RFWD3: variants seen among roughly 807,000 people sequenced by gnomAD.
RFWD3 encodes ring finger and WD repeat domain 3.
A neutral mutation model predicts 87.7 loss-of-function variants in RFWD3; 65 were observed. The ratio of observed to expected loss-of-function variants is 0.74; its 90% CI spans 0.61 to 0.91. RFWD3 has a LOEUF of 0.91. Among genes scored for constraint, RFWD3 ranks in the 40% least tolerant of loss-of-function variants. RFWD3 has a pLI of 0.00. For synonymous variants in RFWD3, 433 were observed against 352.8 expected (o/e 1.23, Z -2.55); for missense variants, 1,078 against 938.5 (o/e 1.15, Z -1.94).
intron 11 of RFWD3, among the ~76,000 whole-genome samples, chr16:74,627,749 C>T (rs1958977935): frequency 1.3e-5 from 2 of 152,210 alleles, no homozygotes; most frequent in East Asian, 3.9e-4. Context: ...TCTGCCAGGA[C>T]AGAGGAGTAT....
intron 4 of RFWD3, among the ~76,000 whole-genome samples, chr16:74,648,071 A>G (rs114769691): frequency 0.011 from 1,659 of 152,194 alleles, 23 homozygotes; most frequent in African/African-American, 0.038. Context: ...AGACTCCCTA[A>G]GTAGCTAGGA....
intron 2 of RFWD3, among the ~76,000 whole-genome samples, chr16:74,655,625 TCTC>T (rs200282348): frequency 6.7e-6 from 1 of 150,276 alleles, no homozygotes; most frequent in African/African-American, 2.4e-5. Flanking sequence ...CTGTGCTCTC[TCTC>T]TTTTTTTTTG....
chr16:74,646,186 A>G (rs1033967142), intron 4 of RFWD3, among the ~76,000 whole-genome samples: 1 of 151,452 alleles, frequency 6.6e-6, no homozygotes, highest in Non-Finnish European at 1.5e-5. Flanking sequence ...ACCAGACTGG[A>G]CAACATAGCA....
intron 1 of RFWD3, among the ~76,000 whole-genome samples, chr16:74,664,055 G>A (rs1169248190): frequency 6.6e-6 from 1 of 152,208 alleles, no homozygotes; most frequent in African/African-American, 2.4e-5. Context: ...ATGGAGAGTG[G>A]CACAGTACTG....
chr16:74,645,757 T>C (rs1345835222), intron 4 of RFWD3, among the ~76,000 whole-genome samples: 2 of 142,718 alleles, frequency 1.4e-5, no homozygotes, highest in African/African-American at 5.2e-5. Context: ...TTTTTTTTTT[T>C]TTTTTTTTTT....
intron 3 of RFWD3, among the ~76,000 whole-genome samples, chr16:74,651,212 C>G (rs1960535818): frequency 2.0e-5 from 3 of 152,184 alleles, no homozygotes; most frequent in Admixed American, 2.0e-4. Context: ...CTTTAGGGGT[C>G]TCTGCCTACG....
chr16:74,630,791 G>C lies in RFWD3; in HGVS notation c.1744C>G (p.Gln582Glu), dbSNP rs369195135. 13 of 1,598,776 alleles carry C rather than the reference G, an allele frequency of 8.1e-6. No homozygotes were observed. Among genetic ancestry groups the C allele is most frequent in the African/African-American group, 1.4e-5 (1 of 73,828 alleles). Residue 582 changes from glutamine (Q) to glutamate (E), a missense_variant, in exon 10 of 13, where the codon CAG becomes GAG. Gln to Glu is a conservative substitution (Grantham distance 29, BLOSUM62 2). Transcript: ENST00000361070. The stretch of plus-strand genomic sequence containing the variant: ...TGAGTGGCTCCCTACCTGGCTTTCT[G>C]AGCTACTAACTCCTGCACATGACTG... ...TSSHVQELVA[Q>E]KARCPLVSLS...
rs548123185 is a variant in RFWD3, at chr16:74,632,617, T to C, written c.1483A>G (p.Met495Val). The C allele has an allele frequency of 5.0e-5, 81 of 1,614,124 alleles. No homozygotes were observed. In the Admixed American group the frequency reaches 9.2e-4, roughly 18 times the overall value. ...ANMKSSQYIP[M>V]HGKQIRGLAF... ...AGTCCACGGATCTGTTTGCCATGCA[T>C]CGGAATGTACTGACTGCTCTTCATG... The change falls in exon 9 of 13, where the codon ATG becomes GTG. Residue 495 changes from methionine to valine, a missense_variant. Met to Val is a conservative substitution (Grantham distance 21). Transcript: ENST00000361070.
chr16:74,646,462 C>G (rs181176161), intron 4 of RFWD3, among the ~76,000 whole-genome samples: 1 of 152,240 alleles, frequency 6.6e-6, no homozygotes, highest in East Asian at 1.9e-4. Flanking sequence ...GCGTGTGCCA[C>G]CATACACCAA....
rs1184275689 is a variant in RFWD3, at chr16:74,644,837, C to T, written c.793-102G>A. The T allele has an allele frequency of 7.6e-6, 8 of 1,055,134 alleles. No homozygotes were observed. The South Asian group carries it at 9.6e-5, about 13-fold the overall frequency. 65.4% of individuals were successfully genotyped at this position (1,055,134 alleles called of 1,614,324 possible). A position where few individuals can be genotyped will look rare whatever the true frequency, so the allele number is the denominator to read the frequency against. On this transcript the variant is annotated intron_variant, in intron 4 of 12. Coordinates refer to ENST00000361070, the MANE Select transcript of RFWD3 (RefSeq NM_018124.4). ...TAACAGAAGTGCAAAAAAAATGATA[C>T]AATCAAAAGGGCTACAGAACACTTG...
chr16:74,652,240 G>T, intron 2 of RFWD3, 118 bp from the exon 3 acceptor site: 1 of 856,620 alleles, frequency 1.2e-6, no homozygotes. Context: ...ATTAAATGCT[G>T]CCTTTGAAAG....
intron 6 of RFWD3, 66 bp from the exon 7 acceptor site, chr16:74,638,036 G>A: frequency 9.8e-7 from 1 of 1,020,064 alleles, no homozygotes; most frequent in Non-Finnish European, 1.5e-6. Context: ...CATCCAGGTG[G>A]CAGAGTTAAG....
At chr16:74,634,818 G>T (rs553215256) in intron 8 of RFWD3, among the ~76,000 whole-genome samples, 6 of 152,076 alleles carry the variant, frequency 3.9e-5, no homozygotes, top group Non-Finnish European at 5.9e-5. Context: ...AAAAAAAAAG[G>T]GGGGAAGGGG....
chr16:74,623,557 T>C lies in RFWD3; in HGVS notation c.*371A>G. The C allele has an allele frequency of 5.3e-6, 1 of 187,840 alleles. No homozygotes were observed. The highest frequency in any genetic ancestry group is 1.1e-5 in the Non-Finnish European group (1 of 91,260). 11.6% of individuals were successfully genotyped at this position (187,840 alleles called of 1,614,324 possible). On this transcript the variant is annotated 3_prime_UTR_variant, in exon 13 of 13. Coordinates refer to ENST00000361070, the MANE Select transcript of RFWD3 (RefSeq NM_018124.4). ...AGGACAACTCAGATGGGATGTCATA[T>C]TCCCCAGAAAATGCTTGATGCCCAC...
chr16:74,666,375 G>A (rs1355267558), intron 1 of RFWD3: 1 of 152,136 alleles, frequency 6.6e-6, no homozygotes, highest in African/African-American at 2.4e-5. Flanking sequence ...TAAAAATGAA[G>A]TTCTTCCATC....
rs1451905837 is a variant in RFWD3, at chr16:74,628,641, T to C, written c.1780A>G (p.Met594Val). The C allele has an allele frequency of 1.2e-6, 2 of 1,614,140 alleles. No individual in the cohort carries two copies. Among genetic ancestry groups the C allele is most frequent in the Non-Finnish European group, 1.7e-6 (2 of 1,180,038 alleles). ...ARCPLVSLSY[M>V]PRAASAAFPY... ...AATGCAGCTGAGGCAGCTCTGGGCA[T>C]GTATGACAGGGAGACCAGTGGGCAT... The change falls in exon 11 of 13, where the codon ATG becomes GTG. Residue 594 changes from methionine (M) to valine (V), a missense_variant. Met to Val is a conservative substitution (Grantham distance 21). Transcript: ENST00000361070.
chr16:74,640,203 C>T lies in RFWD3; in HGVS notation c.1080-2233G>A, dbSNP rs536531324. On this transcript the variant is annotated intron_variant, in intron 6 of 12. Transcript: ENST00000361070. ...TGTTGCCCAGGTTGGAGTGCAGTGGCGTGATCTTGGCTCACTGCAACCTCC... is the reference window on the plus strand; with the variant it reads ...TGTTGCCCAGGTTGGAGTGCAGTGGTGTGATCTTGGCTCACTGCAACCTCC... Among the ~76,000 whole-genome samples, 6 of 149,498 alleles carry T rather than the reference C, an allele frequency of 4.0e-5. No homozygotes were observed. The South Asian group carries it at 6.3e-4, about 16-fold the overall frequency.
intron 12 of RFWD3, among the ~76,000 whole-genome samples, chr16:74,625,056 C>A (rs995841010): frequency 1.3e-5 from 2 of 151,822 alleles, no homozygotes; most frequent in Non-Finnish European, 2.9e-5. Context: ...TAGAGCTAGC[C>A]GGGCATGGTG....
intron 2 of RFWD3, among the ~76,000 whole-genome samples, chr16:74,656,308 CAAAAAA>C (rs71158534): frequency 9.0e-4 from 58 of 64,230 alleles, no homozygotes; most frequent in Middle Eastern, 0.015. Flanking sequence ...CTTGTCTTGC[CAAAAAA>C]AAAAAAAAAA....
Sources: gnomAD v4.1 joint callset for allele counts (sites outside exome capture counted in the v4.1 genomes callset) on GRCh38, gnomAD v4.1.1 for gene constraint, MANE v1.5 for transcripts, NCBI Gene and HGNC (gene_info 2026-07-23, HGNC 2026-07-21) for gene names.